CCSER1: variants seen among roughly 807,000 people sequenced by gnomAD.
CCSER1 encodes serine-rich coiled-coil domain-containing protein 1.
Under a neutral mutation model 82.0 loss-of-function variants are expected in CCSER1, and 41 were observed. The observed-to-expected ratio is 0.50, with a 90% CI of 0.39 to 0.65. The LOEUF is 0.65. Among genes scored for constraint, CCSER1 ranks in the 30% least tolerant of loss-of-function variants. The probability of loss-of-function intolerance (pLI) is 0.00; values close to 1 mark genes in which losing one functional copy is unlikely to be tolerated. For missense variants in CCSER1, 1,119 were observed against 1,064.2 expected (o/e 1.05, Z -0.72); for synonymous variants, 414 against 383.9 (o/e 1.08, Z -0.92).
chr4:90,890,915 C>T (rs1722864660), intron 8 of CCSER1, among the ~76,000 whole-genome samples: 1 of 152,088 alleles, frequency 6.6e-6, no homozygotes, highest in Non-Finnish European at 1.5e-5. Context: ...TTGTAAAAAA[C>T]TACTCTACTA....
rs188274675 is a variant in CCSER1, at chr4:91,227,935, T to A, written c.2217+141941T>A. Among the ~76,000 whole-genome samples the A allele has an allele frequency of 1.5e-3, 221 of 152,136 alleles. 1 individual carries two copies. The highest frequency in any genetic ancestry group is 2.6e-3 in the Non-Finnish European group (174 of 67,930). On this transcript the variant is annotated intron_variant, in intron 10 of 10. Transcript: ENST00000509176. ...GAAGAAAAAGAAATAAAAAGAGAAT[T>A]TGTAGATTCATCCTCTATTTGGTTT...
intron 5 of CCSER1, among the ~76,000 whole-genome samples, chr4:90,608,533 A>G (rs1193770426): frequency 6.6e-6 from 1 of 152,150 alleles, no homozygotes; most frequent in Admixed American, 6.6e-5. Flanking sequence ...GAGAATATAC[A>G]AGGCATATAC....
chr4:91,256,243 TA>T (rs1184201210), intron 10 of CCSER1, among the ~76,000 whole-genome samples: 1 of 152,140 alleles, frequency 6.6e-6, no homozygotes, highest in African/African-American at 2.4e-5. Context: ...CCAGCCTTGC[TA>T]GGATTAGGAA....
intron 9 of CCSER1, among the ~76,000 whole-genome samples, chr4:90,999,415 A>G (rs1737796109): frequency 6.6e-6 from 1 of 152,164 alleles, no homozygotes; most frequent in Non-Finnish European, 1.5e-5. Flanking sequence ...CTTTTTAATA[A>G]TAGCCATTCT....
At chr4:90,399,065 T>C (rs1016906326) in intron 3 of CCSER1, among the ~76,000 whole-genome samples, 7 of 152,144 alleles carry the variant, frequency 4.6e-5, no homozygotes, top group African/African-American at 1.7e-4. Context: ...TAGGCTGTTT[T>C]TTTGATGTCT....
rs1469778069 is a variant in CCSER1, at chr4:91,011,711, C to T, written c.2173-74239C>T. Among the ~76,000 whole-genome samples, 5 of 134,086 alleles carry T rather than the reference C, an allele frequency of 3.7e-5. 2 individuals are homozygous for T. Among genetic ancestry groups the T allele is most frequent in the Non-Finnish European group, 8.7e-5 (5 of 57,604 alleles). 88.0% of individuals were successfully genotyped at this position (134,086 alleles called of 152,430 possible). The stretch of plus-strand genomic sequence containing the variant: ...CAAGGTGTAGCTGCAATTTGTGTAC[C>T]AGAGCCAATAGGGCTCAGTGGCAAC... On this transcript the variant is annotated intron_variant, in intron 9 of 10. Transcript: ENST00000509176.
chr4:90,524,503 T>C (rs570425778), intron 5 of CCSER1, among the ~76,000 whole-genome samples: 1 of 152,288 alleles, frequency 6.6e-6, no homozygotes, highest in South Asian at 2.1e-4. Context: ...GGAGTCTGAC[T>C]CTGTTGCCAG....
chr4:91,367,868 C>A (rs1749749554), intron 10 of CCSER1, among the ~76,000 whole-genome samples: 2 of 152,054 alleles, frequency 1.3e-5, no homozygotes, highest in South Asian at 4.1e-4. Context: ...ATGAGTAGCT[C>A]TGTGTATGTC....
rs894969223 is a variant in CCSER1 at position 91,253,365 on chromosome 4, G to A, written c.2217+167371G>A. Reference sequence around the variant, plus strand: ...TTGTCTGTGCTATTGGTAAACTTTCGTCAAAAGTAAGCTATTAGTTAAGTG... The same window carrying A: ...TTGTCTGTGCTATTGGTAAACTTTCATCAAAAGTAAGCTATTAGTTAAGTG... On this transcript the variant is annotated intron_variant, in intron 10 of 10. Coordinates refer to ENST00000509176, the MANE Select transcript of CCSER1 (RefSeq NM_001145065.2). Among the ~76,000 whole-genome samples, 20 of 152,080 alleles carry A rather than the reference G, an allele frequency of 1.3e-4. No individual in the cohort carries two copies. In the East Asian group the frequency reaches 1.9e-3, roughly 15 times the overall value.
intron 10 of CCSER1, among the ~76,000 whole-genome samples, chr4:91,088,591 T>G (rs1307630489): frequency 6.6e-6 from 1 of 152,176 alleles, no homozygotes; most frequent in Non-Finnish European, 1.5e-5. Flanking sequence ...CAAAAATAGT[T>G]ATTAGCTGTA....
intron 4 of CCSER1, among the ~76,000 whole-genome samples, chr4:90,408,057 C>G (rs796820939): frequency 6.6e-6 from 1 of 152,198 alleles, no homozygotes; most frequent in South Asian, 2.1e-4. Context: ...AGTCTAAGAT[C>G]AAACTGCAAG....
intron 10 of CCSER1, among the ~76,000 whole-genome samples, chr4:91,430,436 G>A (rs979889614): frequency 3.9e-5 from 6 of 152,174 alleles, no homozygotes; most frequent in African/African-American, 1.4e-4. Context: ...TGACTTCCCA[G>A]TTAAACTATT....
chr4:91,472,660 G>A (rs1490966461), intron 10 of CCSER1, among the ~76,000 whole-genome samples: 1 of 152,162 alleles, frequency 6.6e-6, no homozygotes, highest in Non-Finnish European at 1.5e-5. Context: ...TACCAAGACA[G>A]TTTCATAGGC....
intron 1 of CCSER1, among the ~76,000 whole-genome samples, chr4:90,290,663 G>A (rs1273545515): frequency 1.3e-5 from 2 of 151,754 alleles, no homozygotes; most frequent in East Asian, 3.9e-4. Context: ...TGAAATTGTT[G>A]CTAGTGGCTG....
chr4:90,843,682 T>C (rs1267352227), intron 8 of CCSER1, among the ~76,000 whole-genome samples: 1 of 152,210 alleles, frequency 6.6e-6, no homozygotes, highest in Admixed American at 6.5e-5. Context: ...ATTTTCCGTA[T>C]GCCTTGTTAT....
rs183866339 is a variant in CCSER1, at chr4:91,012,150, G to A, written c.2173-73800G>A. Among the ~76,000 whole-genome samples, 8 of 135,030 alleles carry A rather than the reference G, an allele frequency of 5.9e-5. 2 individuals carry two copies. The highest frequency in any genetic ancestry group is 4.8e-4 in the East Asian group (2 of 4,172). The allele number at this position is 135,030 out of a possible 152,430, so 88.6% of individuals were successfully genotyped here. ...GTGCCACTTCAGCCCAGGCTCAGGG[G>A]CTATGACTTCTCAGGGTAGCCAGGG... On this transcript the variant is annotated intron_variant, in intron 9 of 10. Coordinates refer to ENST00000509176, the MANE Select transcript of CCSER1 (RefSeq NM_001145065.2).
intron 4 of CCSER1, among the ~76,000 whole-genome samples, chr4:90,464,031 T>G (rs1763308620): frequency 6.6e-6 from 1 of 152,192 alleles, no homozygotes; most frequent in Non-Finnish European, 1.5e-5. Flanking sequence ...GTGTTTAAAT[T>G]TGGCATCTCA....
intron 10 of CCSER1, among the ~76,000 whole-genome samples, chr4:91,408,794 A>G (rs958450951): frequency 3.3e-5 from 5 of 152,244 alleles, no homozygotes; most frequent in Admixed American, 2.0e-4. Flanking sequence ...AGGATGATAC[A>G]GCTGTGAAGG....
intron 10 of CCSER1, among the ~76,000 whole-genome samples, chr4:91,483,743 T>G (rs966406670): frequency 1.3e-5 from 2 of 152,132 alleles, no homozygotes; most frequent in African/African-American, 4.8e-5. Context: ...GCCTGTACTG[T>G]TTCATTATAT....
Sources: allele counts gnomAD v4.1 joint callset (sites outside exome capture counted in the v4.1 genomes callset), GRCh38; gene constraint gnomAD v4.1.1; transcripts MANE v1.5; gene names NCBI Gene and HGNC (gene_info 2026-07-23, HGNC 2026-07-21).